COL7A1: variants seen among roughly 807,000 people sequenced by gnomAD.
COL7A1 encodes collagen alpha-1(VII) chain.
Under a neutral mutation model 456.2 loss-of-function variants are expected in COL7A1, and 296 were observed. That is an observed-to-expected ratio of 0.65 (90% confidence interval 0.59 to 0.71). COL7A1 has a LOEUF of 0.71. Ranked by LOEUF, COL7A1 falls within the 30% of genes least tolerant of loss-of-function variation. COL7A1 has a pLI of 0.00. For synonymous variants in COL7A1, 1,464 were observed against 1,525.9 expected (o/e 0.96, Z 0.95); for missense variants, 3,441 against 4,017.2 (o/e 0.86, Z 3.88).
rs9814951 is a variant in COL7A1, at chr3:48,573,492, T to C, written c.6618+21A>G. 81,092 of 1,613,920 alleles carry C rather than the reference T, an allele frequency of 0.05. 2,461 individuals are homozygous for C. The highest frequency in any genetic ancestry group is 0.12 in the East Asian group (5,463 of 44,880). ...ACAGCTTGAAGGAGCCTCCTCCTCC[T>C]ATCCACACACCTAGACTCACCTTCA... On this transcript the variant is annotated intron_variant, in intron 83 of 118. Coordinates refer to ENST00000681320, the MANE Select transcript of COL7A1 (RefSeq NM_000094.4). The surrounding 1 kb of genome is among the most constrained non-coding windows in gnomAD (Gnocchi z 5.5).
At position 48,581,664 on chromosome 3, in the gene COL7A1, C is replaced by G. The variant is rs2044767200; in HGVS notation, c.4723-32G>C. On this transcript the variant is annotated intron_variant, in intron 49 of 118. Transcript: ENST00000681320. The surrounding 1 kb of genome is among the most constrained non-coding windows in gnomAD (Gnocchi z 5.8). ...ATGGAAGGATAAGAAGTCAGGAAGA[C>G]AACCTTCACCAACTGCCCCCTAAAC... 1 of 1,614,186 alleles carries G rather than the reference C, an allele frequency of 6.2e-7. No individual in the cohort carries two copies. Among genetic ancestry groups the G allele is most frequent in the Non-Finnish European group, 8.5e-7 (1 of 1,180,036 alleles).
rs1296226515 is a variant in COL7A1, at chr3:48,592,123, T to A, written c.1219A>T (p.Thr407Ser). ...TCACCAGTGCGAGCCATCAGGGAAG[T>A]GGCGGGCCCCACACTGCGGCCAAAT... ...TLFGRSVGPA[T>S]SLMARTDASV... Residue 407 changes from threonine to serine, a missense_variant, in exon 10 of 119, where the codon ACT becomes TCT. Transcript: ENST00000681320. The surrounding 1 kb of genome is among the most constrained non-coding windows in gnomAD (Gnocchi z 7.6). 6.2e-7 allele frequency: 1 copy of A among 1,613,966 alleles called. No individual in the cohort carries two copies. Among genetic ancestry groups the A allele is most frequent in the African/African-American group, 1.3e-5 (1 of 74,928 alleles).
chr3:48,583,567 G>A lies in COL7A1; in HGVS notation c.4390C>T (p.Pro1464Ser). The part of the protein sequence containing the change: ...APGLPGQPGS[P>S]GEQGPRGPPG... ...GCCCCTCCACTCACCTGCTCACCCG[G>A]AGACCCAGGTTGTCCTGGGAGGCCT... The change falls in exon 41 of 119, where the codon CCG becomes TCG. Residue 1464 changes from proline to serine, a missense_variant. Physicochemically the swap from Pro to Ser is moderately conservative, Grantham distance 74. Coordinates refer to ENST00000681320, the MANE Select transcript of COL7A1 (RefSeq NM_000094.4). The surrounding 1 kb of genome is among the most constrained non-coding windows in gnomAD (Gnocchi z 5.1). The A allele has an allele frequency of 6.2e-7, 1 of 1,614,026 alleles. No individual in the cohort carries two copies. The highest frequency in any genetic ancestry group is 8.5e-7 in the Non-Finnish European group (1 of 1,179,998).
chr3:48,588,847 G>A lies in COL7A1; in HGVS notation c.2440+23C>T, dbSNP rs1288570335. The stretch of plus-strand genomic sequence containing the variant: ...TGAGCAGTCCCAGCCAGGAAGGACA[G>A]GGGTGGCGTCAGGGAGCCATACCTT... On this transcript the variant is annotated intron_variant, in intron 19 of 118. Transcript: ENST00000681320. This position sits in a 1 kb window ranked among gnomAD's most constrained non-coding sequence, Gnocchi z 4.6. 2 of 1,613,380 alleles carry A rather than the reference G, an allele frequency of 1.2e-6. No individual in the cohort carries two copies. The highest frequency in any genetic ancestry group is 1.7e-6 in the Non-Finnish European group (2 of 1,180,040).
rs1297944063 is a variant in COL7A1 at position 48,580,382 on chromosome 3, C to A, written c.5053-38G>T. On this transcript the variant is annotated intron_variant, in intron 55 of 118. Coordinates refer to ENST00000681320, the MANE Select transcript of COL7A1 (RefSeq NM_000094.4). This position sits in a 1 kb window ranked among gnomAD's most constrained non-coding sequence, Gnocchi z 4.5. ...AGGGGTCAGGGCCACTCAAGGTAGG[C>A]AGCAGTTTGGGAGAGCTTTGGAAGC... 6.2e-7 allele frequency: 1 copy of A among 1,601,408 alleles called. No homozygotes were observed. Among genetic ancestry groups the A allele is most frequent in the South Asian group, 1.1e-5 (1 of 89,304 alleles).
rs1234406833 is a variant in COL7A1 at position 48,566,781 on chromosome 3, G to A, written c.8227-44C>T. 3 of 1,610,326 alleles carry A rather than the reference G, an allele frequency of 1.9e-6. No homozygotes were observed. Among genetic ancestry groups the A allele is most frequent in the Non-Finnish European group, 2.5e-6 (3 of 1,177,516 alleles). On this transcript the variant is annotated intron_variant, in intron 111 of 118. Coordinates refer to ENST00000681320, the MANE Select transcript of COL7A1 (RefSeq NM_000094.4). This position sits in a 1 kb window ranked among gnomAD's most constrained non-coding sequence, Gnocchi z 5.9. ...AAGTGAGCAGGGTCAGAGGCAGTGGGGATCAGAGTCAGGCAGGTTGGGGGC... is the reference window on the plus strand; with the variant it reads ...AAGTGAGCAGGGTCAGAGGCAGTGGAGATCAGAGTCAGGCAGGTTGGGGGC...
rs1207305987 is a variant in COL7A1 at position 48,592,029 on chromosome 3, T to C, written c.1241-15A>G. 1.2e-6 allele frequency: 2 copies of C among 1,613,874 alleles called. No homozygotes were observed. Among genetic ancestry groups the C allele is most frequent in the African/African-American group, 2.7e-5 (2 of 74,870 alleles). On this transcript the variant is annotated splice_polypyrimidine_tract_variant and intron_variant, in intron 10 of 118. Coordinates refer to ENST00000681320, the MANE Select transcript of COL7A1 (RefSeq NM_000094.4). The surrounding 1 kb of genome is among the most constrained non-coding windows in gnomAD (Gnocchi z 7.6). Reference sequence around the variant, plus strand: ...AACAGAAGCGTCTGCCCAGGGCACATGGGATGTCAGTGGCCTCCGGGCCTT... The same window carrying C: ...AACAGAAGCGTCTGCCCAGGGCACACGGGATGTCAGTGGCCTCCGGGCCTT...
Position 48,592,398 on chromosome 3 carries a change from C to T in COL7A1, c.1046G>A (p.Ser349Asn), listed in dbSNP as rs2045769026. The T allele has an allele frequency of 3.7e-6, 6 of 1,613,800 alleles. No homozygotes were observed. The highest frequency in any genetic ancestry group is 5.1e-6 in the Non-Finnish European group (6 of 1,180,044). ...TAHSLLVAWRSVPGATGYRVT... is the reference protein window; with the variant it reads ...TAHSLLVAWRNVPGATGYRVT... ...ACGGTAGCCAGTGGCACCTGGCACACTCCGCCAGGCCACCAGGAGGCTGTG... is the reference window on the plus strand; with the variant it reads ...ACGGTAGCCAGTGGCACCTGGCACATTCCGCCAGGCCACCAGGAGGCTGTG... Residue 349 changes from serine (S) to asparagine (N), a missense_variant, in exon 9 of 119, where the codon AGT becomes AAT. By Grantham distance (46) the Ser-to-Asn change is conservative (BLOSUM62 1). Around this residue, in one of 3 missense-constraint regions of COL7A1, gnomAD observed 913 missense variants for 1,088.2 expected, o/e 0.84. Transcript: ENST00000681320. The surrounding 1 kb of genome is among the most constrained non-coding windows in gnomAD (Gnocchi z 7.6).
Position 48,586,978 on chromosome 3 carries a change from T to C in COL7A1, c.3270A>G (p.Ala1090=), listed in dbSNP as rs1399537944. The change falls in exon 25 of 119, where the codon GCA becomes GCG. Residue 1090 remains alanine, a synonymous_variant. Coordinates refer to ENST00000681320, the MANE Select transcript of COL7A1 (RefSeq NM_000094.4). This position sits in a 1 kb window ranked among gnomAD's most constrained non-coding sequence, Gnocchi z 5.1. Reference sequence around the variant, plus strand: ...GGCTGCCCCAGGGCCAAACCTGAACTGCCTGTGGCCCAAGAGGCCCAAGTG... The same window carrying C: ...GGCTGCCCCAGGGCCAAACCTGAACCGCCTGTGGCCCAAGAGGCCCAAGTG... The part of the protein sequence containing the change: ...VLALGPLGPQ[A]VQVGLLSYSH... 6.3e-7 allele frequency: 1 copy of C among 1,593,848 alleles called. No individual in the cohort carries two copies. Among genetic ancestry groups the C allele is most frequent in the Non-Finnish European group, 8.5e-7 (1 of 1,170,518 alleles).
In COL7A1 at chr3:48,572,610, C is replaced by T. The variant is rs992891539; in HGVS notation, c.6900+61G>A. ...CTGCCACCCCCATGGCATTTGGAAA[C>T]AGGCTTGTGGGTGAGGCAGAGGAGT... On this transcript the variant is annotated intron_variant, in intron 88 of 118. Coordinates refer to ENST00000681320, the MANE Select transcript of COL7A1 (RefSeq NM_000094.4). This position sits in a 1 kb window ranked among gnomAD's most constrained non-coding sequence, Gnocchi z 4.6. 31 of 1,554,124 alleles carry T rather than the reference C, an allele frequency of 2.0e-5. No individual in the cohort carries two copies. The highest frequency in any genetic ancestry group is 3.5e-5 in the Admixed American group (2 of 57,480).
chr3:48,565,190 G>C lies in COL7A1; in HGVS notation c.8539C>G (p.Pro2847Ala), dbSNP rs140041143. The change falls in exon 117 of 119, where the codon CCT (proline) becomes GCT (alanine). Residue 2847 changes from proline to alanine, a missense_variant. Transcript: ENST00000681320. The surrounding 1 kb of genome is among the most constrained non-coding windows in gnomAD (Gnocchi z 4.5). ...SHAEEEERVP[P>A]EDDEYSEYSE... is the part of the protein sequence containing the mutation. ...TATTCAGAGTACTCATCATCCTCAG[G>C]GGGTACCCGCTCTGCAGGTAGGGCA... 5.0e-5 allele frequency: 81 copies of C among 1,613,616 alleles called. No homozygotes were observed. The highest frequency in any genetic ancestry group is 6.7e-5 in the Non-Finnish European group (79 of 1,179,830).
At chr3:48,584,651 T>A in intron 35 of COL7A1, 83 bp downstream of exon 35, 1 of 1,612,332 alleles carries the variant, frequency 6.2e-7, no homozygotes. Flanking sequence ...TATTCGCGCC[T>A]TAGGCCCTGC....
chr3:48,585,912 T>C lies in COL7A1; in HGVS notation c.3759+28A>G, dbSNP rs767575273. On this transcript the variant is annotated intron_variant, in intron 29 of 118. Transcript: ENST00000681320. The surrounding 1 kb of genome is among the most constrained non-coding windows in gnomAD (Gnocchi z 4.5). ...AGTGGCTAGCCCCAGGTGCAGCCTC[T>C]GTTCACCTCTCGATGAGGGACTCTT... is the stretch of plus-strand genomic sequence containing the variant. 6.2e-7 allele frequency: 1 copy of C among 1,614,162 alleles called. No individual in the cohort carries two copies. Among genetic ancestry groups the C allele is most frequent in the South Asian group, 1.1e-5 (1 of 91,092 alleles).
chr3:48,566,514 A>T lies in COL7A1; in HGVS notation c.8354T>A (p.Leu2785Gln). Residue 2785 changes from leucine (L) to glutamine (Q), a missense_variant, in exon 113 of 119, where the codon CTG becomes CAG. Leu to Gln is a moderately radical substitution (Grantham distance 113, BLOSUM62 -2). This residue lies in a region of COL7A1 where 2,084 missense variants were observed against 2,501.3 expected (regional missense o/e 0.83). Coordinates refer to ENST00000681320, the MANE Select transcript of COL7A1 (RefSeq NM_000094.4). This position sits in a 1 kb window ranked among gnomAD's most constrained non-coding sequence, Gnocchi z 5.9. ...CCCATCCAGGCCCACACTCACCGTC[A>T]GTGCAGCTTCTCCCTTCTCGCCTCG... is the stretch of plus-strand genomic sequence containing the variant. Reference protein sequence around the residue: ...GPRGEKGEAALTEDDIRGFVR... With the variant: ...GPRGEKGEAAQTEDDIRGFVR... The T allele has an allele frequency of 6.2e-7, 1 of 1,613,354 alleles. No homozygotes were observed. The highest frequency in any genetic ancestry group is 2.2e-5 in the East Asian group (1 of 44,820).
chr3:48,589,389 A>G lies in COL7A1; in HGVS notation c.2252T>C (p.Val751Ala). The change falls in exon 18 of 119, where the codon GTG becomes GCG. Residue 751 changes from valine (V) to alanine (A), a missense_variant. Val to Ala is a moderately conservative substitution (Grantham distance 64, BLOSUM62 0). Transcript: ENST00000681320. ...DGLEPDTEYTVHVRAHVAGVD... is the reference protein window; with the variant it reads ...DGLEPDTEYTAHVRAHVAGVD... ...GCCAGCCACATGGGCCCTCACATGC[A>G]CCGTATACTCAGTATCTGGCTCCAG... is the stretch of plus-strand genomic sequence containing the variant. The G allele has an allele frequency of 1.2e-6, 2 of 1,613,484 alleles. No individual in the cohort carries two copies. The highest frequency in any genetic ancestry group is 1.7e-6 in the Non-Finnish European group (2 of 1,180,002).
At chr3:48,582,710 G>A (rs1256938486) in intron 44 of COL7A1, 57 bp from the exon 45 acceptor site, 1 of 1,584,050 alleles carries the variant, frequency 6.3e-7, no homozygotes, top group East Asian at 2.2e-5. Flanking sequence ...GATATGGACA[G>A]ACAGGGCTAG....
At position 48,586,934 on chromosome 3, in the gene COL7A1, T is replaced by G; in HGVS notation, c.3276+38A>C. 1 of 1,565,764 alleles carries G rather than the reference T, an allele frequency of 6.4e-7. No individual in the cohort carries two copies. The highest frequency in any genetic ancestry group is 8.7e-7 in the Non-Finnish European group (1 of 1,155,108). The stretch of plus-strand genomic sequence containing the variant: ...TGGTATGGAGCCTGGGTGGGGGGCC[T>G]CAGGGAGAGGTAGAATCTGGCTGCC... On this transcript the variant is annotated intron_variant, in intron 25 of 118. Transcript: ENST00000681320. This position sits in a 1 kb window ranked among gnomAD's most constrained non-coding sequence, Gnocchi z 5.1.
rs911173510 is a variant in COL7A1 at position 48,594,999 on chromosome 3, TG to T, written c.85+75del. 4.0e-5 allele frequency: 49 copies of T among 1,238,460 alleles called. No homozygotes were observed. Among genetic ancestry groups the T allele is most frequent in the Non-Finnish European group, 5.0e-5 (44 of 877,102 alleles). The allele number at this position is 1,238,460 out of a possible 1,614,324, so 76.7% of individuals were successfully genotyped here. On this transcript the variant is annotated intron_variant, in intron 2 of 118. Transcript: ENST00000681320. This position sits in a 1 kb window ranked among gnomAD's most constrained non-coding sequence, Gnocchi z 5.5. Reference sequence around the variant, plus strand: ...TGGCTGGGTTGTGGGCGGGGGGTGTTGGGGATGAAGGCCGAGTGGAGCGGAG... The same window carrying T: ...TGGCTGGGTTGTGGGCGGGGGGTGTTGGGATGAAGGCCGAGTGGAGCGGAG...
In COL7A1 at chr3:48,593,374, C is replaced by A. The variant is rs562413402; in HGVS notation, c.502G>T (p.Val168Phe). ...TCCTTACCCACAGCAAATAGCTTGACCCCCTGCCCCTTCAGCCTTTGGGCA... is the reference window on the plus strand; with the variant it reads ...TCCTTACCCACAGCAAATAGCTTGAACCCCTGCCCCTTCAGCCTTTGGGCA... ...TAAQRLKGQGVKLFAVGIKNA... is the reference protein window; with the variant it reads ...TAAQRLKGQGFKLFAVGIKNA... The change falls in exon 5 of 119, where the codon GTC becomes TTC. Residue 168 changes from valine (V) to phenylalanine (F), a missense_variant. This residue lies in a region of COL7A1 where 913 missense variants were observed against 1,088.2 expected (regional missense o/e 0.84). Transcript: ENST00000681320. This position sits in a 1 kb window ranked among gnomAD's most constrained non-coding sequence, Gnocchi z 4.4. 5.0e-6 allele frequency: 8 copies of A among 1,614,124 alleles called. No individual in the cohort carries two copies. The East Asian group carries it at 6.7e-5, about 13-fold the overall frequency.
Sources: allele counts gnomAD v4.1 joint callset, GRCh38; gene constraint gnomAD v4.1.1; regional missense constraint gnomAD v4.1.1; non-coding constraint Gnocchi (gnomAD v3.1); transcripts MANE v1.5; gene names NCBI Gene and HGNC (gene_info 2026-07-23, HGNC 2026-07-21).